The following SDF4 variants were observed in gnomAD, a reference collection of about 807,000 sequenced individuals.
SDF4 encodes 45 kDa calcium-binding protein.
A neutral mutation model predicts 34.2 loss-of-function variants in SDF4; 22 were observed. The ratio of observed to expected loss-of-function variants is 0.64; its 90% CI spans 0.46 to 0.92. The LOEUF (loss-of-function observed/expected upper bound fraction) is 0.92. Ranked by LOEUF, SDF4 falls within the 40% of genes least tolerant of loss-of-function variation. SDF4 has a pLI of 0.00. For synonymous variants in SDF4, 236 were observed against 203.1 expected, an observed-to-expected ratio of 1.16 and a Z score of -1.38; for missense variants, 447 against 499.9, an observed-to-expected ratio of 0.89 and a Z score of 1.01.
chr1:1,227,700 C>T (rs1477264071), intron 2 of SDF4, among the ~76,000 whole-genome samples: 2 of 152,178 alleles, frequency 1.3e-5, no homozygotes, highest in African/African-American at 2.4e-5. Context: ...GCACCCCGGC[C>T]GTGCCGTAAG....
chr1:1,222,633 G>C (rs1390005176), intron 4 of SDF4, among the ~76,000 whole-genome samples: 1 of 152,280 alleles, frequency 6.6e-6, no homozygotes, highest in African/African-American at 2.4e-5. Flanking sequence ...GTACGGGGCA[G>C]GCCCCAACCC....
intron 1 of SDF4, among the ~76,000 whole-genome samples, chr1:1,231,359 C>T (rs1024336763): frequency 1.3e-5 from 2 of 152,246 alleles, no homozygotes; most frequent in African/African-American, 4.8e-5. Context: ...CATCCCTGGG[C>T]TTCAGCTCTG....
intron 2 of SDF4, 145 bp downstream of exon 2, chr1:1,228,323 A>G (rs1638375518): frequency 3.3e-6 from 3 of 900,656 alleles, no homozygotes; most frequent in African/African-American, 1.7e-5. Flanking sequence ...GCAGGCTGGA[A>G]GTGGCGCTCA....
At chr1:1,227,611 G>A (rs1315040713) in intron 2 of SDF4, among the ~76,000 whole-genome samples, 11 of 152,186 alleles carry the variant, frequency 7.2e-5, no homozygotes, top group Admixed American at 3.9e-4. Context: ...GGGGACTCAC[G>A]GGCACGCCCT....
At position 1,217,497 on chromosome 1, in the gene SDF4, G is replaced by A; in HGVS notation, c.*15C>T. ...CGGTGGTGCGTGGGGGGCGGCGCGG[G>A]GCGCGGCCGGGCGCTCAAAACTCCT... is the stretch of plus-strand genomic sequence containing the variant. On this transcript the variant is annotated 3_prime_UTR_variant, in exon 7 of 7. Coordinates refer to ENST00000360001, the MANE Select transcript of SDF4 (RefSeq NM_016176.6). The surrounding 1 kb of genome is among the most constrained non-coding windows in gnomAD (Gnocchi z 8.5). The A allele has an allele frequency of 1.7e-5, 26 of 1,543,264 alleles. No individual in the cohort carries two copies. Among genetic ancestry groups the A allele is most frequent in the Non-Finnish European group, 2.3e-5 (26 of 1,144,416 alleles).
In SDF4 at chr1:1,220,209, G is replaced by A. The variant is rs1024669656; in HGVS notation, c.557-1282C>T. The A allele has an allele frequency of 3.0e-6, 3 of 994,406 alleles. No individual in the cohort carries two copies. The African/African-American group carries it at 5.2e-5, about 17-fold the overall frequency. 61.6% of individuals were successfully genotyped at this position (994,406 alleles called of 1,614,324 possible). ...CCTCCCCACGAGCCGGGCCTCTGCT[G>A]TTAGGGAAGGATCTGGAGAGACCCT... is the stretch of plus-strand genomic sequence containing the variant. On this transcript the variant is annotated intron_variant, in intron 4 of 6. Transcript: ENST00000360001.
chr1:1,223,786 G>GCCCCCCCCCCCCCCC, intron 3 of SDF4, 46 bp downstream of exon 3: 1 of 585,242 alleles, frequency 1.7e-6, no homozygotes, highest in East Asian at 3.0e-5. Context: ...CCATGGCCCT[G>GCCCCCCCCCCCCCCC]CCCGCCCCGC....
intron 2 of SDF4, among the ~76,000 whole-genome samples, chr1:1,226,330 C>G (rs1304276243): frequency 7.2e-6 from 1 of 139,248 alleles, no homozygotes; most frequent in South Asian, 2.2e-4. Context: ...TCCAGAAACC[C>G]TCAACCCTGT....
At chr1:1,226,652 C>T (rs902246830) in intron 2 of SDF4, among the ~76,000 whole-genome samples, 5 of 152,310 alleles carry the variant, frequency 3.3e-5, no homozygotes, top group Middle Eastern at 3.4e-3. Context: ...CCACAGCGGC[C>T]GCTGTCGCCG....
At chr1:1,220,490 C>T in intron 4 of SDF4, 1 of 1,198,076 alleles carries the variant, frequency 8.3e-7, no homozygotes. Context: ...TCCTCCAGGA[C>T]CCGGCAGCTG....
rs1267482395 is a variant in SDF4, at chr1:1,217,453, G to A, written c.*59C>T. On this transcript the variant is annotated 3_prime_UTR_variant, in exon 7 of 7. Coordinates refer to ENST00000360001, the MANE Select transcript of SDF4 (RefSeq NM_016176.6). The surrounding 1 kb of genome is among the most constrained non-coding windows in gnomAD (Gnocchi z 8.5). Reference sequence around the variant, plus strand: ...GTCCGGGACAGCCACGGAGCCCGGAGTCACCCGCGAGGCCGCCCCGGTGGT... The same window carrying A: ...GTCCGGGACAGCCACGGAGCCCGGAATCACCCGCGAGGCCGCCCCGGTGGT... 3 of 1,354,060 alleles carry A rather than the reference G, an allele frequency of 2.2e-6. No individual in the cohort carries two copies. The highest frequency in any genetic ancestry group is 2.9e-6 in the Non-Finnish European group (3 of 1,046,188). The allele number at this position is 1,354,060 out of a possible 1,614,324, so 83.9% of individuals were successfully genotyped here.
rs375950412 is a variant in SDF4 at position 1,223,819 on chromosome 1, C to T, written c.442+13G>A. On this transcript the variant is annotated intron_variant, in intron 3 of 6. Transcript: ENST00000360001. ...CGCCCACCGCCCCACCCACCCCGGC[C>T]CAGCCACAGTACCGTCCCCGTCAGG... 2 of 1,513,420 alleles carry T rather than the reference C, an allele frequency of 1.3e-6. No individual in the cohort carries two copies. The highest frequency in any genetic ancestry group is 1.4e-5 in the African/African-American group (1 of 72,374). The allele number at this position is 1,513,420 out of a possible 1,614,324, so 93.7% of individuals were successfully genotyped here. A position where few individuals can be genotyped will look rare whatever the true frequency, so the allele number is the denominator to read the frequency against.
In SDF4 at chr1:1,217,279, G is replaced by A. The variant is rs897138056; in HGVS notation, c.*233C>T. On this transcript the variant is annotated 3_prime_UTR_variant, in exon 7 of 7. Transcript: ENST00000360001. The surrounding 1 kb of genome is among the most constrained non-coding windows in gnomAD (Gnocchi z 8.5). The stretch of plus-strand genomic sequence containing the variant: ...GATTTCGAGGGACCAGGGAGGAGGC[G>A]GCGCCGCGGGGCCACAGCCCAGCCC... 1.2e-4 allele frequency: 24 copies of A among 201,798 alleles called. No homozygotes were observed. The highest frequency in any genetic ancestry group is 2.0e-4 in the Non-Finnish European group (20 of 99,902). 12.5% of individuals were successfully genotyped at this position (201,798 alleles called of 1,614,324 possible). A position where few individuals can be genotyped will look rare whatever the true frequency, so the allele number is the denominator to read the frequency against.
Position 1,223,916 on chromosome 1 carries a change from T to C in SDF4, c.358A>G (p.Ile120Val). Residue 120 changes from isoleucine to valine, a missense_variant, in exon 3 of 7, where the codon ATC becomes GTC. Coordinates refer to ENST00000360001, the MANE Select transcript of SDF4 (RefSeq NM_016176.6). ...KISAKEMQRW[I>V]MEKTAEHFQE... The stretch of plus-strand genomic sequence containing the variant: ...AAGTGCTCGGCCGTCTTCTCCATGA[T>C]CCAGCGCTGCATCTCCTTGGCACTG... The C allele has an allele frequency of 6.2e-7, 1 of 1,611,356 alleles. No homozygotes were observed. Among genetic ancestry groups the C allele is most frequent in the Non-Finnish European group, 8.5e-7 (1 of 1,179,824 alleles).
intron 4 of SDF4, chr1:1,220,986 G>A (rs964472798): frequency 2.8e-6 from 1 of 353,970 alleles, no homozygotes; most frequent in African/African-American, 2.1e-5. Flanking sequence ...CGGGCACTGG[G>A]GCTTGTGCCT....
intron 4 of SDF4, among the ~76,000 whole-genome samples, chr1:1,221,960 A>G (rs56013947): frequency 0.11 from 17,453 of 152,260 alleles, 1,148 homozygotes; most frequent in East Asian, 0.17. Flanking sequence ...GAAAAAAGAA[A>G]GAAGAGGTGG....
At chr1:1,226,791 C>T (rs572896524) in intron 2 of SDF4, among the ~76,000 whole-genome samples, 47 of 152,332 alleles carry the variant, frequency 3.1e-4, no homozygotes, top group African/African-American at 1.1e-3. Flanking sequence ...CAGCTGGAGA[C>T]GCACCGAGCA....
chr1:1,217,927 AC>A lies in SDF4; in HGVS notation c.892-240del. On this transcript the variant is annotated intron_variant, in intron 6 of 6. Coordinates refer to ENST00000360001, the MANE Select transcript of SDF4 (RefSeq NM_016176.6). The surrounding 1 kb of genome is among the most constrained non-coding windows in gnomAD (Gnocchi z 8.5). ...GGGCACAGGGGCTACACAGGCCTGG[AC>A]CCCAGTTCTGAAGGATCCCTAACCT... 9.0e-7 allele frequency: 1 copy of A among 1,111,534 alleles called. No individual in the cohort carries two copies. The highest frequency in any genetic ancestry group is 1.2e-6 in the Non-Finnish European group (1 of 811,676). 68.9% of individuals were successfully genotyped at this position (1,111,534 alleles called of 1,614,324 possible).
At chr1:1,230,817 C>G (rs1372160745) in intron 1 of SDF4, among the ~76,000 whole-genome samples, 1 of 152,232 alleles carries the variant, frequency 6.6e-6, no homozygotes, top group African/African-American at 2.4e-5. Context: ...AATTCTATTC[C>G]TGTCGTCCCA....
Sources: allele counts gnomAD v4.1 joint callset (sites outside exome capture counted in the v4.1 genomes callset), GRCh38; gene constraint gnomAD v4.1.1; non-coding constraint Gnocchi (gnomAD v3.1); transcripts MANE v1.5; gene names NCBI Gene and HGNC (gene_info 2026-07-23, HGNC 2026-07-21).